CNTNAP2: variants seen among roughly 807,000 people sequenced by gnomAD.
CNTNAP2 encodes contactin-associated protein-like 2.
CNTNAP2 carries 98 observed loss-of-function variants against 155.2 expected under a neutral mutation model. That is an observed-to-expected ratio of 0.63 (90% CI 0.54 to 0.75). The LOEUF is 0.75. CNTNAP2 is among the 30% of genes least tolerant of loss of function. The pLI is 0.00. For synonymous variants in CNTNAP2, 651 were observed against 631.2 expected, an observed-to-expected ratio of 1.03 and a Z score of -0.47; for missense variants, 1,727 against 1,688.1, an observed-to-expected ratio of 1.02 and a Z score of -0.40.
At chr7:148,305,789 C>A (rs1164087607) in intron 21 of CNTNAP2, among the ~76,000 whole-genome samples, 2 of 152,176 alleles carry the variant, frequency 1.3e-5, no homozygotes, top group Non-Finnish European at 2.9e-5. Context: ...CACCAGGACC[C>A]TCCCCTGACA....
intron 13 of CNTNAP2, among the ~76,000 whole-genome samples, chr7:147,701,278 T>C (rs1333326328): frequency 6.6e-6 from 1 of 152,178 alleles, no homozygotes; most frequent in Non-Finnish European, 1.5e-5. Context: ...GCAAGGAAAA[T>C]GCACTCTTCA....
chr7:147,661,741 C>G (rs28368320), intron 13 of CNTNAP2, among the ~76,000 whole-genome samples: 1 of 151,772 alleles, frequency 6.6e-6, no homozygotes, highest in Non-Finnish European at 1.5e-5. Flanking sequence ...TTAGTAGAGA[C>G]GGGGTTTCAC....
chr7:146,245,739 G>A (rs2539742), intron 1 of CNTNAP2, among the ~76,000 whole-genome samples: 48,254 of 151,854 alleles, frequency 0.32, 13,732 homozygotes, highest in African/African-American at 0.77. Context: ...AATGGGGGCT[G>A]TCTGTGAAGC....
At chr7:146,378,683 A>T (rs1050929171) in intron 1 of CNTNAP2, among the ~76,000 whole-genome samples, 1 of 152,170 alleles carries the variant, frequency 6.6e-6, no homozygotes, top group African/African-American at 2.4e-5. Context: ...ACTTAAGATG[A>T]TGGCATACAT....
chr7:146,135,454 G>T, intron 1 of CNTNAP2, among the ~76,000 whole-genome samples: 1 of 152,050 alleles, frequency 6.6e-6, no homozygotes, highest in African/African-American at 2.4e-5. Context: ...TTAAATCTAT[G>T]ATTCTAGTCT....
intron 15 of CNTNAP2, among the ~76,000 whole-genome samples, chr7:148,060,016 CTT>C (rs1416422707): frequency 6.6e-6 from 1 of 151,988 alleles, no homozygotes; most frequent in Non-Finnish European, 1.5e-5. Flanking sequence ...TCATTATATT[CTT>C]TTCAGCATCA....
intron 11 of CNTNAP2, among the ~76,000 whole-genome samples, chr7:147,488,909 G>A (rs975917251): frequency 3.3e-5 from 5 of 152,216 alleles, no homozygotes; most frequent in Admixed American, 3.3e-4. Flanking sequence ...ATGAAATGAT[G>A]TACGGAAGAT....
intron 1 of CNTNAP2, among the ~76,000 whole-genome samples, chr7:146,740,677 C>T (rs1034506856): frequency 2.0e-5 from 3 of 152,142 alleles, no homozygotes; most frequent in Non-Finnish European, 4.4e-5. Context: ...AATCCTGGGT[C>T]CTGCTTTAGC....
At chr7:146,905,023 C>T (rs999496386) in intron 3 of CNTNAP2, among the ~76,000 whole-genome samples, 7 of 152,132 alleles carry the variant, frequency 4.6e-5, no homozygotes, top group African/African-American at 1.4e-4. Flanking sequence ...AGCACTATGA[C>T]ATTTGGGGAC....
chr7:147,355,135 T>C (rs1420305040), intron 9 of CNTNAP2, among the ~76,000 whole-genome samples: 3 of 151,918 alleles, frequency 2.0e-5, no homozygotes, highest in African/African-American at 7.2e-5. Flanking sequence ...ATCATGGCCA[T>C]TGTTTCGAGT....
chr7:147,555,941 A>G (rs1799944408), intron 11 of CNTNAP2, among the ~76,000 whole-genome samples: 1 of 152,188 alleles, frequency 6.6e-6, no homozygotes, highest in Non-Finnish European at 1.5e-5. Context: ...CCAGCAATTC[A>G]TGCCTGTTAC....
At chr7:146,718,957 A>T (rs957073423) in intron 1 of CNTNAP2, among the ~76,000 whole-genome samples, 5 of 152,128 alleles carry the variant, frequency 3.3e-5, no homozygotes, top group African/African-American at 2.4e-5. Context: ...ATTATGTCCA[A>T]TACGCTAACT....
chr7:146,457,628 T>C (rs775725225), intron 1 of CNTNAP2, among the ~76,000 whole-genome samples: 99 of 149,394 alleles, frequency 6.6e-4, no homozygotes, highest in Non-Finnish European at 1.3e-3. Flanking sequence ...CTCAGCCTCC[T>C]GAGGAGCTGG....
rs1563204273 is a variant in CNTNAP2 at position 146,721,873 on chromosome 7, G to GTGTGTGTGTA, written c.98-52395_98-52394insGTGTGTATGT. ...TCTACATTTATATGTGTGTGTGTGT[G>GTGTGTGTGTA]TGTATATATATATATATTTTTTTTT... On this transcript the variant is annotated intron_variant, in intron 1 of 23. Coordinates refer to ENST00000361727, the MANE Select transcript of CNTNAP2 (RefSeq NM_014141.6). Among the ~76,000 whole-genome samples, 294 of 86,024 alleles carry GTGTGTGTGTA rather than the reference G, an allele frequency of 3.4e-3. 26 individuals carry two copies. Among genetic ancestry groups the GTGTGTGTGTA allele is most frequent in the African/African-American group, 0.024 (176 of 7,332 alleles). The allele number at this position is 86,024 out of a possible 152,430, so 56.4% of individuals were successfully genotyped here.
At chr7:147,781,286 A>G (rs1305298608) in intron 13 of CNTNAP2, among the ~76,000 whole-genome samples, 3 of 152,222 alleles carry the variant, frequency 2.0e-5, no homozygotes, top group Non-Finnish European at 4.4e-5. Context: ...GTAGAAAGGT[A>G]GCTGGACACT....
chr7:147,626,345 G>A (rs1305152348), intron 12 of CNTNAP2, among the ~76,000 whole-genome samples: 3 of 151,892 alleles, frequency 2.0e-5, no homozygotes, highest in Non-Finnish European at 2.9e-5. Context: ...TTGCATGGGG[G>A]GGTGGGTTAG....
intron 12 of CNTNAP2, among the ~76,000 whole-genome samples, chr7:147,625,426 T>C (rs62481373): frequency 0.2 from 29,773 of 152,080 alleles, 3,102 homozygotes; most frequent in Middle Eastern, 0.24. Context: ...TATTGTATGG[T>C]TCCAAAGGAG....
At chr7:146,297,016 G>A (rs1377552121) in intron 1 of CNTNAP2, among the ~76,000 whole-genome samples, 1 of 151,748 alleles carries the variant, frequency 6.6e-6, no homozygotes, top group Non-Finnish European at 1.5e-5. Context: ...AATATTAATA[G>A]AAACAATAGA....
chr7:147,596,592 C>G (rs867825090), intron 12 of CNTNAP2, among the ~76,000 whole-genome samples: 4 of 152,248 alleles, frequency 2.6e-5, no homozygotes, highest in South Asian at 2.1e-4. Flanking sequence ...AGCCTGAGCC[C>G]CATCTCATTC....
Sources: allele counts gnomAD v4.1 joint callset (sites outside exome capture counted in the v4.1 genomes callset), GRCh38; gene constraint gnomAD v4.1.1; transcripts MANE v1.5; gene names NCBI Gene and HGNC (gene_info 2026-07-23, HGNC 2026-07-21).